The following LRMDA variants were observed in gnomAD, a reference collection of about 807,000 sequenced individuals.
The protein encoded by LRMDA is leucine-rich melanocyte differentiation-associated protein.
A neutral mutation model predicts 29.8 loss-of-function variants in LRMDA; 18 were observed. The ratio of observed to expected loss-of-function variants is 0.60; its 90% CI spans 0.42 to 0.90. The LOEUF (loss-of-function observed/expected upper bound fraction) is 0.90, where lower values mean the gene tolerates loss of function less well. LRMDA is among the 40% of genes least tolerant of loss of function. The pLI, the probability that LRMDA is intolerant of heterozygous loss-of-function variation, is 0.00. For missense variants in LRMDA, 273 were observed against 273.9 expected (o/e 1.00, Z 0.02); for synonymous variants, 125 against 109.4 (o/e 1.14, Z -0.89).
chr10:75,869,717 G>T (rs992460138), intron 2 of LRMDA, among the ~76,000 whole-genome samples: 1 of 152,082 alleles, frequency 6.6e-6, no homozygotes, highest in Admixed American at 6.5e-5. Flanking sequence ...TTGGCTTTTA[G>T]GTTCTCCGTA....
chr10:76,485,529 G>T (rs1482546390), intron 6 of LRMDA, among the ~76,000 whole-genome samples: 2 of 151,830 alleles, frequency 1.3e-5, no homozygotes, highest in Non-Finnish European at 2.9e-5. Context: ...TAACCAAGGA[G>T]TTATCTTTTA....
At chr10:76,325,526 C>G (rs537049822) in intron 6 of LRMDA, among the ~76,000 whole-genome samples, 62 of 152,282 alleles carry the variant, frequency 4.1e-4, no homozygotes, top group African/African-American at 1.3e-3. Flanking sequence ...CACTGAATGT[C>G]CTTTTGAAGG....
chr10:76,045,469 C>T (rs1479130965), intron 3 of LRMDA, among the ~76,000 whole-genome samples: 2 of 151,642 alleles, frequency 1.3e-5, no homozygotes, highest in Non-Finnish European at 1.5e-5. Context: ...CTAGTTTCCC[C>T]CTCTTTTGCT....
chr10:75,811,398 G>A (rs1843957944), intron 2 of LRMDA, among the ~76,000 whole-genome samples: 1 of 152,086 alleles, frequency 6.6e-6, no homozygotes, highest in Non-Finnish European at 1.5e-5. Context: ...TTCTTGGGGT[G>A]AATTTTATAG....
intron 2 of LRMDA, chr10:75,552,628 G>T: frequency 2.4e-6 from 1 of 414,160 alleles, no homozygotes; most frequent in Non-Finnish European, 4.9e-6. Context: ...AATTAATTTT[G>T]GAAAATTCGT....
At chr10:75,774,206 T>G (rs866384245) in intron 2 of LRMDA, among the ~76,000 whole-genome samples, 23 of 152,330 alleles carry the variant, frequency 1.5e-4, no homozygotes, top group African/African-American at 4.8e-4. Flanking sequence ...CACACTTAAT[T>G]TTTATCTGAA....
At chr10:75,728,726 A>G (rs373107786) in intron 2 of LRMDA, among the ~76,000 whole-genome samples, 23 of 152,268 alleles carry the variant, frequency 1.5e-4, no homozygotes, top group African/African-American at 5.3e-4. Context: ...GTGTTCTAAT[A>G]TGCAGGTGGA....
chr10:75,702,564 A>T (rs1464447902), intron 2 of LRMDA, among the ~76,000 whole-genome samples: 1 of 152,162 alleles, frequency 6.6e-6, no homozygotes, highest in Non-Finnish European at 1.5e-5. Context: ...CTGTGGAAGG[A>T]TGGTGGTGTT....
intron 6 of LRMDA, among the ~76,000 whole-genome samples, chr10:76,339,668 A>G (rs940546087): frequency 6.6e-6 from 1 of 152,020 alleles, no homozygotes; most frequent in East Asian, 1.9e-4. Context: ...AAAAATAGAG[A>G]TTGACATTTA....
chr10:75,457,012 A>G (rs1165831125), intron 2 of LRMDA, among the ~76,000 whole-genome samples: 1 of 152,228 alleles, frequency 6.6e-6, no homozygotes, highest in Non-Finnish European at 1.5e-5. Flanking sequence ...GTAATTGCTT[A>G]TTCTAGAAGA....
At chr10:76,026,394 T>C (rs1286781383) in intron 2 of LRMDA, among the ~76,000 whole-genome samples, 2 of 152,202 alleles carry the variant, frequency 1.3e-5, no homozygotes, top group African/African-American at 4.8e-5. Context: ...ACTTTACCTC[T>C]CTGGACATTA....
chr10:76,229,584 G>T (rs150462124), intron 5 of LRMDA, among the ~76,000 whole-genome samples: 1 of 152,166 alleles, frequency 6.6e-6, no homozygotes, highest in African/African-American at 2.4e-5. Context: ...AGAAAAAGCC[G>T]CCCTCTGTGC....
chr10:76,156,395 C>A (rs1589354997), intron 5 of LRMDA, among the ~76,000 whole-genome samples: 1 of 152,166 alleles, frequency 6.6e-6, no homozygotes, highest in East Asian at 1.9e-4. Context: ...TAAATTAGAC[C>A]CAGCCAAAGA....
intron 6 of LRMDA, among the ~76,000 whole-genome samples, chr10:76,550,805 A>G (rs1311820219): frequency 1.3e-5 from 2 of 152,058 alleles, no homozygotes; most frequent in Admixed American, 6.5e-5. Flanking sequence ...CTTCCACACA[A>G]TCCCTTCCCC....
intron 5 of LRMDA, among the ~76,000 whole-genome samples, chr10:76,278,686 A>G (rs1205426835): frequency 1.3e-5 from 2 of 152,220 alleles, no homozygotes; most frequent in Non-Finnish European, 2.9e-5. Context: ...ATTTTCTTTT[A>G]TAGAAATCCT....
chr10:76,371,912 A>G (rs1235159900), intron 6 of LRMDA, among the ~76,000 whole-genome samples: 1 of 152,164 alleles, frequency 6.6e-6, no homozygotes, highest in Admixed American at 6.5e-5. Context: ...TTGATGATAA[A>G]TGAATCATCT....
intron 2 of LRMDA, among the ~76,000 whole-genome samples, chr10:75,854,234 C>T (rs1329945596): frequency 2.0e-5 from 3 of 152,110 alleles, no homozygotes; most frequent in African/African-American, 7.2e-5. Context: ...ATAAGACTGT[C>T]CTCCTGGCAT....
chr10:76,168,106 C>T lies in LRMDA; in HGVS notation c.516+109323C>T, dbSNP rs531287508. 3.9e-5 allele frequency among the ~76,000 whole-genome samples: 6 copies of T among 152,298 alleles called. No individual in the cohort carries two copies. In the South Asian group the frequency reaches 8.3e-4, roughly 21 times the overall value. ...AGTTTTTGTCCTCAGGAATAATCCACCTGCTTTATAAATTATACATTAAGC... is the reference window on the plus strand; with the variant it reads ...AGTTTTTGTCCTCAGGAATAATCCATCTGCTTTATAAATTATACATTAAGC... On this transcript the variant is annotated intron_variant, in intron 5 of 6. Transcript: ENST00000611255.
chr10:76,055,063 C>CAAAAAAAAAAAAAAAAAAA (rs531729040), intron 4 of LRMDA, among the ~76,000 whole-genome samples: 5 of 45,898 alleles, frequency 1.1e-4, no homozygotes, highest in Admixed American at 3.4e-4. Flanking sequence ...GACTCCATCT[C>CAAAAAAAAAAAAAAAAAAA]AAAAAAAAAA....
Sources: allele counts gnomAD v4.1 joint callset (sites outside exome capture counted in the v4.1 genomes callset), GRCh38; gene constraint gnomAD v4.1.1; transcripts MANE v1.5; gene names NCBI Gene and HGNC (gene_info 2026-07-23, HGNC 2026-07-21).